LRRC8D: variants seen among roughly 807,000 people sequenced by gnomAD.
LRRC8D encodes the protein leucine rich repeat containing 8 VRAC subunit D.
LRRC8D carries 20 observed loss-of-function variants against 55.8 expected under a neutral mutation model. The observed-to-expected ratio is 0.36, with a 90% CI of 0.25 to 0.52. The LOEUF (loss-of-function observed/expected upper bound fraction) is 0.52. LRRC8D is among the 20% of genes least tolerant of loss of function. The probability of loss-of-function intolerance (pLI) is 0.93; values close to 1 mark genes in which losing one functional copy is unlikely to be tolerated. For synonymous variants in LRRC8D, 352 were observed against 377.0 expected, an observed-to-expected ratio of 0.93 and a Z score of 0.77; for missense variants, 651 against 1,030.8, an observed-to-expected ratio of 0.63 and a Z score of 5.05.
chr1:89,923,005 A>C (rs1271708508), intron 2 of LRRC8D, among the ~76,000 whole-genome samples: 1 of 152,188 alleles, frequency 6.6e-6, no homozygotes, highest in African/African-American at 2.4e-5. Context: ...ATTACTACTA[A>C]CCATACATTT....
At chr1:89,869,150 G>A (rs1342205886) in intron 2 of LRRC8D, among the ~76,000 whole-genome samples, 1 of 152,014 alleles carries the variant, frequency 6.6e-6, no homozygotes, top group Non-Finnish European at 1.5e-5. Flanking sequence ...CAGGTGATCC[G>A]CCTACCTCGA....
intron 2 of LRRC8D, among the ~76,000 whole-genome samples, chr1:89,890,733 T>C (rs1437122715): frequency 2.0e-5 from 3 of 152,196 alleles, no homozygotes; most frequent in Non-Finnish European, 2.9e-5. Flanking sequence ...AAATTGGCAT[T>C]TATACAATAC....
At chr1:89,858,766 A>C (rs1048568988) in intron 2 of LRRC8D, among the ~76,000 whole-genome samples, 8 of 152,132 alleles carry the variant, frequency 5.3e-5, no homozygotes, top group Admixed American at 1.3e-4. Context: ...AAGTTTATAA[A>C]AGCAGATGCC....
At chr1:89,843,486 C>T in intron 1 of LRRC8D, 152 bp from the exon 2 acceptor site, 1 of 455,826 alleles carries the variant, frequency 2.2e-6, no homozygotes, top group Non-Finnish European at 4.0e-6. Context: ...GCGGCGGGGT[C>T]GCCACGGCCA....
At chr1:89,872,407 G>A (rs1662031785) in intron 2 of LRRC8D, among the ~76,000 whole-genome samples, 2 of 152,356 alleles carry the variant, frequency 1.3e-5, no homozygotes, top group South Asian at 4.1e-4. Flanking sequence ...AGCTGTTGGT[G>A]CTTTCTTTAC....
In LRRC8D at chr1:89,935,178, C is replaced by T; in HGVS notation, c.2110C>T (p.His704Tyr). The part of the protein sequence containing the change: ...KIVTIPPSIT[H>Y]VKNLESLYFS... ...TGTTACTATTCCTCCCTCTATTACCCATGTCAAAAACTTGGAGTCACTTTA... is the reference window on the plus strand; with the variant it reads ...TGTTACTATTCCTCCCTCTATTACCTATGTCAAAAACTTGGAGTCACTTTA... The change falls in exon 3 of 3, where the codon CAT becomes TAT. Residue 704 changes from histidine (H) to tyrosine (Y), a missense_variant. By Grantham distance (83) the His-to-Tyr change is moderately conservative. Transcript: ENST00000337338. The T allele has an allele frequency of 1.2e-6, 2 of 1,614,124 alleles. No individual in the cohort carries two copies. Among genetic ancestry groups the T allele is most frequent in the Non-Finnish European group, 1.7e-6 (2 of 1,179,994 alleles).
In LRRC8D at chr1:89,936,301, A is replaced by C. The variant is rs993617264; in HGVS notation, c.*656A>C. Reference sequence around the variant, plus strand: ...TTTTTAAGAATAAGTAACAAGAAATAACACATTTCTTAATAATAGCTTTTT... The same window carrying C: ...TTTTTAAGAATAAGTAACAAGAAATCACACATTTCTTAATAATAGCTTTTT... On this transcript the variant is annotated 3_prime_UTR_variant, in exon 3 of 3. Transcript: ENST00000337338. 1 of 167,060 alleles carries C rather than the reference A, an allele frequency of 6.0e-6. No homozygotes were observed. The allele number at this position is 167,060 out of a possible 1,614,324, so 10.3% of individuals were successfully genotyped here. A position where few individuals can be genotyped will look rare whatever the true frequency, so the allele number is the denominator to read the frequency against.
chr1:89,843,666 C>T lies in LRRC8D; in HGVS notation c.-119C>T, dbSNP rs1307452655. 1 of 702,414 alleles carries T rather than the reference C, an allele frequency of 1.4e-6. No homozygotes were observed. The highest frequency in any genetic ancestry group is 2.6e-6 in the Non-Finnish European group (1 of 384,904). The allele number at this position is 702,414 out of a possible 1,614,324, so 43.5% of individuals were successfully genotyped here. A position where few individuals can be genotyped will look rare whatever the true frequency, so the allele number is the denominator to read the frequency against. ...GTGCACGGCTGTCTATAACGTGCTG[C>T]CGGGTCTCAGGATGGAGGAGTGAAG... On this transcript the variant is annotated 5_prime_UTR_variant, in exon 2 of 3. Coordinates refer to ENST00000337338, the MANE Select transcript of LRRC8D (RefSeq NM_001134479.2).
chr1:89,917,828 G>A (rs769421854), intron 2 of LRRC8D, among the ~76,000 whole-genome samples: 4 of 152,186 alleles, frequency 2.6e-5, no homozygotes, highest in Non-Finnish European at 5.9e-5. Context: ...TGCGAGGATA[G>A]GGTCCTGACC....
intron 1 of LRRC8D, among the ~76,000 whole-genome samples, chr1:89,839,751 T>C (rs1304645175): frequency 9.4e-6 from 1 of 106,658 alleles, no homozygotes; most frequent in Non-Finnish European, 1.9e-5. Context: ...GGGACACTGC[T>C]GTGAAGGCTG....
intron 2 of LRRC8D, among the ~76,000 whole-genome samples, chr1:89,859,287 T>C (rs1468930210): frequency 1.3e-5 from 2 of 151,874 alleles, no homozygotes; most frequent in African/African-American, 2.4e-5. Flanking sequence ...CATTTTCAAA[T>C]GAGAGACTCC....
intron 2 of LRRC8D, among the ~76,000 whole-genome samples, chr1:89,869,025 G>A (rs1208926454): frequency 1.3e-5 from 2 of 152,114 alleles, no homozygotes; most frequent in Non-Finnish European, 2.9e-5. Flanking sequence ...TGCTGCATCA[G>A]CCTCCCAAGT....
intron 2 of LRRC8D, among the ~76,000 whole-genome samples, chr1:89,918,959 G>A (rs1191268769): frequency 6.6e-6 from 1 of 152,144 alleles, no homozygotes; most frequent in East Asian, 1.9e-4. Context: ...TCTTTATTAA[G>A]TGCCTAATCT....
chr1:89,923,682 A>G (rs1405172242), intron 2 of LRRC8D, among the ~76,000 whole-genome samples: 5 of 152,250 alleles, frequency 3.3e-5, no homozygotes, highest in Admixed American at 6.5e-5. Flanking sequence ...ACTTCAAACT[A>G]TACTACAAGA....
intron 2 of LRRC8D, among the ~76,000 whole-genome samples, chr1:89,854,918 C>T (rs570445396): frequency 5.0e-4 from 76 of 152,254 alleles, no homozygotes; most frequent in African/African-American, 1.7e-3. Context: ...ATGGGATTTG[C>T]GTGTGGGGTA....
intron 2 of LRRC8D, among the ~76,000 whole-genome samples, chr1:89,860,756 C>CAAAAAAAAA (rs1181859656): frequency 1.1e-4 from 2 of 18,846 alleles, no homozygotes; most frequent in Non-Finnish European, 8.3e-5. Context: ...GACTCTATCT[C>CAAAAAAAAA]AAAAAAAAAA....
At chr1:89,900,178 G>A (rs79664075) in intron 2 of LRRC8D, among the ~76,000 whole-genome samples, 3,222 of 152,280 alleles carry the variant, frequency 0.021, 119 homozygotes, top group African/African-American at 0.074. Flanking sequence ...CTGATGGCAG[G>A]CAAAGACAGG....
In LRRC8D at chr1:89,912,586, A is replaced by G. The variant is rs967484565; in HGVS notation, c.-2-20481A>G. ...ACAGCCCTCATTAGTGTTTTATTCC[A>G]GTAGCTTGAAGAAAATCACCTCCTT... On this transcript the variant is annotated intron_variant, in intron 2 of 2. Coordinates refer to ENST00000337338, the MANE Select transcript of LRRC8D (RefSeq NM_001134479.2). 3.3e-5 allele frequency among the ~76,000 whole-genome samples: 5 copies of G among 152,112 alleles called. 1 individual carries two copies. Among genetic ancestry groups the G allele is most frequent in the African/African-American group, 1.2e-4 (5 of 41,428 alleles).
intron 2 of LRRC8D, among the ~76,000 whole-genome samples, chr1:89,912,997 G>C (rs532093098): frequency 1.4e-4 from 22 of 152,298 alleles, no homozygotes; most frequent in Admixed American, 5.2e-4. Context: ...TTACAGAACA[G>C]TCCAGATATG....
Sources: gnomAD v4.1 joint callset for allele counts (sites outside exome capture counted in the v4.1 genomes callset) on GRCh38, gnomAD v4.1.1 for gene constraint, MANE v1.5 for transcripts, NCBI Gene and HGNC (gene_info 2026-07-23, HGNC 2026-07-21) for gene names.